COG6: variants seen among roughly 807,000 people sequenced by gnomAD.
The protein encoded by COG6 is conserved oligomeric Golgi complex subunit 6.
Under a neutral mutation model 88.8 loss-of-function variants are expected in COG6, and 74 were observed. That is an observed-to-expected ratio of 0.83 (90% CI 0.69 to 1.01). The LOEUF (loss-of-function observed/expected upper bound fraction) is 1.01, where lower values mean the gene tolerates loss of function less well. Ranked by LOEUF, COG6 falls within the 50% of genes least tolerant of loss-of-function variation. The pLI is 0.00. For synonymous variants in COG6, 286 were observed against 278.7 expected (o/e 1.03, Z -0.26); for missense variants, 800 against 797.9 (o/e 1.00, Z -0.03).
intron 18 of COG6, among the ~76,000 whole-genome samples, chr13:39,735,539 C>A (rs912160649): frequency 6.6e-6 from 1 of 152,146 alleles, no homozygotes; most frequent in Non-Finnish European, 1.5e-5. Context: ...GTAGTTTACA[C>A]ACCATGGTTA....
chr13:39,665,172 CA>C lies in COG6; in HGVS notation c.428+20del, dbSNP rs1875173735. The C allele has an allele frequency of 2.2e-6, 3 of 1,350,314 alleles. No individual in the cohort carries two copies. The highest frequency in any genetic ancestry group is 3.2e-6 in the Non-Finnish European group (3 of 941,412). 83.6% of individuals were successfully genotyped at this position (1,350,314 alleles called of 1,614,324 possible). ...TCTGAAAGGTAAGTTTTTCTTCATA[CA>C]ACCACCTTTTCAATAATTTGGAGAT... is the stretch of plus-strand genomic sequence containing the variant. On this transcript the variant is annotated intron_variant, in intron 4 of 18. Transcript: ENST00000455146.
Position 39,660,793 on chromosome 13 carries a change from A to T in COG6, c.298-17A>T. On this transcript the variant is annotated splice_polypyrimidine_tract_variant and intron_variant, in intron 2 of 18. Transcript: ENST00000455146. ...TGCTGTATATATGATGTTTGATGTTACTTTTCTTCTTTTCAGGAACTTGAA... is the reference window on the plus strand; with the variant it reads ...TGCTGTATATATGATGTTTGATGTTTCTTTTCTTCTTTTCAGGAACTTGAA... 6.6e-7 allele frequency: 1 copy of T among 1,524,764 alleles called. No individual in the cohort carries two copies. Among genetic ancestry groups the T allele is most frequent in the Non-Finnish European group, 9.1e-7 (1 of 1,099,124 alleles). 94.5% of individuals were successfully genotyped at this position (1,524,764 alleles called of 1,614,324 possible).
chr13:39,687,506 T>C lies in COG6; in HGVS notation c.792T>C (p.Tyr264=). 1.2e-6 allele frequency: 2 copies of C among 1,612,562 alleles called. No homozygotes were observed. Among genetic ancestry groups the C allele is most frequent in the Non-Finnish European group, 8.5e-7 (1 of 1,178,786 alleles). Reference sequence around the variant, plus strand: ...TTATATAACTTGTTTCTTCTAGATATACCTTAGATGAATTTGGAACAGCCA... The same window carrying C: ...TTATATAACTTGTTTCTTCTAGATACACCTTAGATGAATTTGGAACAGCCA... ...ALQDRPVLYK[Y]TLDEFGTARR... is the part of the protein sequence containing the mutation. The change falls in exon 9 of 19, where the codon TAT becomes TAC. Residue 264 remains tyrosine, a synonymous_variant. Transcript: ENST00000455146.
At chr13:39,788,136 A>G (rs562243663) in intron 18 of COG6, among the ~76,000 whole-genome samples, 90 of 152,336 alleles carry the variant, frequency 5.9e-4, no homozygotes, top group African/African-American at 2.1e-3. Flanking sequence ...TGTTACCACT[A>G]TAAAATAATA....
At chr13:39,762,137 A>G (rs1202829230) in intron 18 of COG6, among the ~76,000 whole-genome samples, 1 of 151,984 alleles carries the variant, frequency 6.6e-6, no homozygotes, top group Non-Finnish European at 1.5e-5. Flanking sequence ...AGATGAGTAG[A>G]TAAAGAAAAT....
intron 10 of COG6, among the ~76,000 whole-genome samples, chr13:39,688,540 C>T (rs1876800307): frequency 6.6e-6 from 1 of 152,114 alleles, no homozygotes; most frequent in Non-Finnish European, 1.5e-5. Flanking sequence ...GCAACGCTGA[C>T]TATTGTGAGG....
chr13:39,660,753 A>G, intron 2 of COG6, 57 bp from the exon 3 acceptor site: 1 of 1,143,116 alleles, frequency 8.7e-7, no homozygotes, highest in South Asian at 1.2e-5. Context: ...AGCTAACAGA[A>G]GAGAATCTTC....
At chr13:39,746,498 C>T (rs1241059818) in intron 18 of COG6, among the ~76,000 whole-genome samples, 1 of 152,136 alleles carries the variant, frequency 6.6e-6, no homozygotes, top group Admixed American at 6.5e-5. Flanking sequence ...TAAGGACATT[C>T]CCAACTTTCA....
At chr13:39,738,327 G>A (rs550133092) in intron 18 of COG6, among the ~76,000 whole-genome samples, 19 of 152,302 alleles carry the variant, frequency 1.2e-4, no homozygotes, top group Admixed American at 5.9e-4. Context: ...TTTTAATATT[G>A]TAAGGATATT....
Position 39,720,982 on chromosome 13 carries a change from C to T in COG6, c.1584+1155C>T, listed in dbSNP as rs192929144. Among the ~76,000 whole-genome samples, 86 of 151,988 alleles carry T rather than the reference C, an allele frequency of 5.7e-4. 1 individual carries two copies. The highest frequency in any genetic ancestry group is 2.0e-3 in the African/African-American group (82 of 41,384). ...TCAATGTTTTGTTAAATTATTATTA[C>T]TATGTAAACATTATTGGTGACTGAG... On this transcript the variant is annotated intron_variant, in intron 15 of 18. Transcript: ENST00000455146.
At chr13:39,704,926 C>T (rs1566187453) in intron 13 of COG6, among the ~76,000 whole-genome samples, 1 of 152,068 alleles carries the variant, frequency 6.6e-6, no homozygotes, top group East Asian at 1.9e-4. Context: ...TAGATTGCGA[C>T]CGTGTTATGA....
At chr13:39,742,803 T>A (rs1459330471) in intron 18 of COG6, among the ~76,000 whole-genome samples, 1 of 152,162 alleles carries the variant, frequency 6.6e-6, no homozygotes, top group Non-Finnish European at 1.5e-5. Flanking sequence ...GAATATACAT[T>A]CTTCTCAGCA....
chr13:39,662,142 A>ATTT lies in COG6; in HGVS notation c.369+1277_369+1279dup, dbSNP rs10629485. On this transcript the variant is annotated intron_variant, in intron 3 of 18. Coordinates refer to ENST00000455146, the MANE Select transcript of COG6 (RefSeq NM_020751.3). ...TGTCTCTTTCTGTTTTGTCCTTTGTATTTTTTTTTTTTTTTTTTGAGACAG... is the reference window on the plus strand; with the variant it reads ...TGTCTCTTTCTGTTTTGTCCTTTGTATTTTTTTTTTTTTTTTTTTTTGAGACAG... Among the ~76,000 whole-genome samples, 582 of 130,636 alleles carry ATTT rather than the reference A, an allele frequency of 4.5e-3. 14 individuals carry two copies. The highest frequency in any genetic ancestry group is 6.2e-3 in the South Asian group (26 of 4,216). 85.7% of individuals were successfully genotyped at this position (130,636 alleles called of 152,430 possible). A position where few individuals can be genotyped will look rare whatever the true frequency, so the allele number is the denominator to read the frequency against.
intron 15 of COG6, among the ~76,000 whole-genome samples, chr13:39,721,401 T>G (rs942292362): frequency 1.3e-5 from 2 of 152,138 alleles, no homozygotes; most frequent in Non-Finnish European, 2.9e-5. Context: ...TCTTTATTAG[T>G]CCTGGCAGCA....
At chr13:39,677,121 T>A (rs539475455) in intron 4 of COG6, among the ~76,000 whole-genome samples, 26 of 152,306 alleles carry the variant, frequency 1.7e-4, no homozygotes, top group African/African-American at 6.0e-4. Context: ...AACATATTTC[T>A]CTCTTATAAA....
At chr13:39,669,936 G>T (rs1041280838) in intron 4 of COG6, among the ~76,000 whole-genome samples, 34 of 152,118 alleles carry the variant, frequency 2.2e-4, no homozygotes, top group African/African-American at 7.7e-4. Flanking sequence ...CTGGGGGCTG[G>T]CAGGGAGTTG....
At chr13:39,725,548 A>G (rs1879088336) in intron 17 of COG6, among the ~76,000 whole-genome samples, 1 of 151,910 alleles carries the variant, frequency 6.6e-6, no homozygotes, top group Non-Finnish European at 1.5e-5. Flanking sequence ...CTCATAAGAT[A>G]CCTAACAAAT....
At chr13:39,749,009 A>G (rs944183936) in intron 18 of COG6, among the ~76,000 whole-genome samples, 1 of 152,218 alleles carries the variant, frequency 6.6e-6, no homozygotes, top group Non-Finnish European at 1.5e-5. Context: ...AATTCCTAGA[A>G]AAACAAAGAA....
chr13:39,737,838 G>A (rs775768181), intron 18 of COG6, among the ~76,000 whole-genome samples: 1 of 152,088 alleles, frequency 6.6e-6, no homozygotes, highest in Non-Finnish European at 1.5e-5. Context: ...CTGACCGCTG[G>A]GATGGAGGCT....
Sources: gnomAD v4.1 joint callset for allele counts (sites outside exome capture counted in the v4.1 genomes callset) on GRCh38, gnomAD v4.1.1 for gene constraint, MANE v1.5 for transcripts, NCBI Gene and HGNC (gene_info 2026-07-23, HGNC 2026-07-21) for gene names.